Variants in HS6ST3 observed in about 807,000 individuals in gnomAD.
HS6ST3 encodes the protein heparan sulfate 6-O-sulfotransferase 3, also known as heparan-sulfate 6-O-sulfotransferase 3.
Under a neutral mutation model 36.7 loss-of-function variants are expected in HS6ST3, and 12 were observed. The ratio of observed to expected loss-of-function variants is 0.33; its 90% CI spans 0.21 to 0.53. The LOEUF (loss-of-function observed/expected upper bound fraction) is 0.53, where lower values mean the gene tolerates loss of function less well. HS6ST3 is among the 20% of genes least tolerant of loss of function. HS6ST3 has a pLI of 0.95. For missense variants in HS6ST3, 584 were observed against 640.9 expected, an observed-to-expected ratio of 0.91 and a Z score of 0.96; for synonymous variants, 240 against 257.5, an observed-to-expected ratio of 0.93 and a Z score of 0.65.
At chr13:96,793,320 G>A (rs980011943) in intron 1 of HS6ST3, among the ~76,000 whole-genome samples, 11 of 151,984 alleles carry the variant, frequency 7.2e-5, no homozygotes, top group Non-Finnish European at 1.2e-4. Context: ...TTTTTTGATT[G>A]GAGAGGTTCT....
intron 1 of HS6ST3, among the ~76,000 whole-genome samples, chr13:96,206,415 A>G (rs1196999604): frequency 1.3e-5 from 2 of 152,248 alleles, no homozygotes; most frequent in Non-Finnish European, 1.5e-5. Flanking sequence ...TGCTATTCTC[A>G]TTAAACTACC....
At chr13:96,537,936 G>A (rs2056162287) in intron 1 of HS6ST3, among the ~76,000 whole-genome samples, 1 of 152,122 alleles carries the variant, frequency 6.6e-6, no homozygotes, top group Admixed American at 6.5e-5. Flanking sequence ...GTTTCAAAGG[G>A]GAAAAAGGAT....
chr13:96,250,370 A>G (rs1428457199), intron 1 of HS6ST3, among the ~76,000 whole-genome samples: 1 of 152,190 alleles, frequency 6.6e-6, no homozygotes, highest in Admixed American at 6.5e-5. Flanking sequence ...TAGATGTGTA[A>G]GTTAAGAATC....
rs1052783927 is a variant in HS6ST3 at position 96,837,976 on chromosome 13, A to T, written c.*4778A>T. On this transcript the variant is annotated 3_prime_UTR_variant, in exon 2 of 2. Transcript: ENST00000376705. ...GTTAAATGAGTCCCTTTGCATACTC[A>T]CTGGAGAGAGGAAATGCTTTAAGTT... The T allele has an allele frequency of 6.6e-6, 1 of 152,086 alleles. No homozygotes were observed. Among genetic ancestry groups the T allele is most frequent in the Admixed American group, 6.5e-5 (1 of 15,268 alleles). 9.4% of individuals were successfully genotyped at this position (152,086 alleles called of 1,614,324 possible). A position where few individuals can be genotyped will look rare whatever the true frequency, so the allele number is the denominator to read the frequency against.
intron 1 of HS6ST3, among the ~76,000 whole-genome samples, chr13:96,260,225 TTTTCC>T (rs2054657255): frequency 6.7e-6 from 1 of 149,124 alleles, no homozygotes. Flanking sequence ...TGCATTTATT[TTTTCC>T]CTTCCTTCCT....
At chr13:96,197,866 A>C (rs2054321997) in intron 1 of HS6ST3, among the ~76,000 whole-genome samples, 2 of 152,140 alleles carry the variant, frequency 1.3e-5, no homozygotes, top group Non-Finnish European at 1.5e-5. Context: ...ACTGGAGGAC[A>C]GTGGCCCTCT....
chr13:96,138,473 T>A (rs2054013909), intron 1 of HS6ST3, among the ~76,000 whole-genome samples: 1 of 150,046 alleles, frequency 6.7e-6, no homozygotes, highest in South Asian at 2.1e-4. Context: ...ATATATACAG[T>A]TTATAAATAT....
chr13:96,128,628 T>G (rs975404267), intron 1 of HS6ST3, among the ~76,000 whole-genome samples: 43 of 152,296 alleles, frequency 2.8e-4, no homozygotes, highest in African/African-American at 1.0e-3. Flanking sequence ...GGAATTGCAT[T>G]TGATATCTGC....
intron 1 of HS6ST3, among the ~76,000 whole-genome samples, chr13:96,590,951 T>C (rs2056379937): frequency 1.3e-5 from 2 of 152,142 alleles, no homozygotes; most frequent in South Asian, 2.1e-4. Context: ...GAGACTGTCT[T>C]TTCTCCAGTG....
intron 1 of HS6ST3, among the ~76,000 whole-genome samples, chr13:96,666,702 A>T: frequency 6.6e-6 from 1 of 152,146 alleles, no homozygotes; most frequent in Non-Finnish European, 1.5e-5. Flanking sequence ...ACAGGTTGTG[A>T]ATGTACATTT....
intron 1 of HS6ST3, among the ~76,000 whole-genome samples, chr13:96,629,001 G>A (rs999834597): frequency 6.6e-6 from 1 of 151,890 alleles, no homozygotes; most frequent in African/African-American, 2.4e-5. Flanking sequence ...TTCATTTTCT[G>A]TCATGTCTTG....
chr13:96,767,364 A>G (rs1388827268), intron 1 of HS6ST3, among the ~76,000 whole-genome samples: 1 of 152,202 alleles, frequency 6.6e-6, no homozygotes, highest in Non-Finnish European at 1.5e-5. Context: ...GTTTAAGAAA[A>G]GGAAGGTCAT....
rs568105209 is a variant in HS6ST3 at position 96,775,314 on chromosome 13, T to C, written c.708-57176T>C. On this transcript the variant is annotated intron_variant, in intron 1 of 1. Transcript: ENST00000376705. ...ACTGGCTAACATCATAATGACACAA[T>C]TGAATGCCCACATAACAATATTGAC... Among the ~76,000 whole-genome samples the C allele has an allele frequency of 3.3e-5, 5 of 151,300 alleles. No homozygotes were observed. The East Asian group carries it at 7.8e-4, about 24-fold the overall frequency.
At chr13:96,654,202 C>G (rs1188936074) in intron 1 of HS6ST3, among the ~76,000 whole-genome samples, 2 of 152,102 alleles carry the variant, frequency 1.3e-5, no homozygotes, top group Admixed American at 1.3e-4. Flanking sequence ...TGTAGAAGCT[C>G]TTTAGTTTAA....
chr13:96,479,384 C>T (rs1566372702), intron 1 of HS6ST3, among the ~76,000 whole-genome samples: 1 of 152,038 alleles, frequency 6.6e-6, no homozygotes, highest in Non-Finnish European at 1.5e-5. Context: ...ATTAGGAGGC[C>T]CTTGAAGGCC....
At chr13:96,811,295 C>G (rs1878312314) in intron 1 of HS6ST3, among the ~76,000 whole-genome samples, 1 of 152,122 alleles carries the variant, frequency 6.6e-6, no homozygotes, top group Non-Finnish European at 1.5e-5. Flanking sequence ...AGAAATGGTC[C>G]TATTTTTAAA....
chr13:96,146,660 T>A (rs548311571), intron 1 of HS6ST3, among the ~76,000 whole-genome samples: 48 of 152,242 alleles, frequency 3.2e-4, no homozygotes, highest in Non-Finnish European at 6.0e-4. Context: ...CATTCCTGCC[T>A]GACCCTGTTT....
intron 1 of HS6ST3, among the ~76,000 whole-genome samples, chr13:96,459,982 G>A (rs142610233): frequency 9.8e-5 from 15 of 152,312 alleles, no homozygotes; most frequent in African/African-American, 3.6e-4. Context: ...TGAGTGTAAT[G>A]ATGATTAATG....
At chr13:96,224,181 TTTCAGTTATCCATTGGTTC>T (rs1489701006) in intron 1 of HS6ST3, among the ~76,000 whole-genome samples, 2 of 152,180 alleles carry the variant, frequency 1.3e-5, no homozygotes, top group Non-Finnish European at 2.9e-5. Context: ...TCTGTGGTGC[TTTCAGTTATCCATTGGTTC>T]TTCAGGCTAA....
Sources: gnomAD v4.1 joint callset for allele counts (sites outside exome capture counted in the v4.1 genomes callset) on GRCh38, gnomAD v4.1.1 for gene constraint, MANE v1.5 for transcripts, NCBI Gene and HGNC (gene_info 2026-07-23, HGNC 2026-07-21) for gene names.